CNTNAP2: variants seen among roughly 807,000 people sequenced by gnomAD.
The protein encoded by CNTNAP2 is contactin associated protein 2.
CNTNAP2 carries 98 observed loss-of-function variants against 155.2 expected under a neutral mutation model. The observed-to-expected ratio is 0.63, with a 90% CI of 0.54 to 0.75. CNTNAP2 has a LOEUF of 0.75. Among genes scored for constraint, CNTNAP2 ranks in the 30% least tolerant of loss-of-function variants. The probability of loss-of-function intolerance (pLI) is 0.00; values close to 1 mark genes in which losing one functional copy is unlikely to be tolerated. For synonymous variants in CNTNAP2, 651 were observed against 631.2 expected (o/e 1.03, Z -0.47); for missense variants, 1,727 against 1,688.1 (o/e 1.02, Z -0.40).
chr7:146,588,306 A>G (rs1386470038), intron 1 of CNTNAP2, among the ~76,000 whole-genome samples: 5 of 152,184 alleles, frequency 3.3e-5, no homozygotes, highest in Admixed American at 2.6e-4. Context: ...ATAAGAGAGC[A>G]GCACTTCTTC....
At chr7:146,951,497 T>G (rs1442936036) in intron 3 of CNTNAP2, among the ~76,000 whole-genome samples, 3 of 152,186 alleles carry the variant, frequency 2.0e-5, no homozygotes, top group African/African-American at 7.2e-5. Flanking sequence ...GGGTCCAGTT[T>G]CGGTTTTCTG....
chr7:147,472,710 T>C (rs12703917), intron 10 of CNTNAP2, among the ~76,000 whole-genome samples: 118,274 of 151,756 alleles, frequency 0.78, 46,437 homozygotes, highest in African/African-American at 0.87. Flanking sequence ...TCCAAACTTC[T>C]GTTTACAAAG....
intron 4 of CNTNAP2, among the ~76,000 whole-genome samples, chr7:147,099,443 G>T (rs1250028342): frequency 6.6e-6 from 1 of 152,046 alleles, no homozygotes; most frequent in East Asian, 1.9e-4. Flanking sequence ...GCAGCTCCAA[G>T]AAATGACACA....
At chr7:148,145,127 C>T (rs1431148484) in intron 16 of CNTNAP2, among the ~76,000 whole-genome samples, 1 of 152,146 alleles carries the variant, frequency 6.6e-6, no homozygotes, top group East Asian at 1.9e-4. Flanking sequence ...GTGGAATGTG[C>T]TGACTTCATA....
rs139930720 is a variant in CNTNAP2, at chr7:148,217,431, C to A, written c.3154C>A (p.Arg1052Ser). The change falls in exon 19 of 24, where the codon CGC becomes AGC. Residue 1052 changes from arginine (R) to serine (S), a missense_variant. Arg to Ser is a moderately radical substitution (Grantham distance 110). Transcript: ENST00000361727. ...CCCGGACCTGGCACAGGAGGAGATC[C>A]GCTTCAGCTTCAGCACCACCAAGGC... ...SHPDLAQEEI[R>S]FSFSTTKAPC... 6.2e-7 allele frequency: 1 copy of A among 1,614,038 alleles called. No individual in the cohort carries two copies. Among genetic ancestry groups the A allele is most frequent in the Admixed American group, 1.7e-5 (1 of 60,000 alleles).
intron 1 of CNTNAP2, among the ~76,000 whole-genome samples, chr7:146,196,053 A>T (rs1798770599): frequency 6.6e-6 from 1 of 152,160 alleles, no homozygotes; most frequent in Admixed American, 6.6e-5. Context: ...TTGTTTTTAC[A>T]AAGTTTGACT....
chr7:146,779,915 GC>G (rs1469334517), intron 2 of CNTNAP2, among the ~76,000 whole-genome samples: 1 of 152,170 alleles, frequency 6.6e-6, no homozygotes, highest in African/African-American at 2.4e-5. Flanking sequence ...TGGAGAGACT[GC>G]TAGAATAGAT....
chr7:147,669,962 C>T (rs1300136454), intron 13 of CNTNAP2, among the ~76,000 whole-genome samples: 1 of 152,162 alleles, frequency 6.6e-6, no homozygotes, highest in Non-Finnish European at 1.5e-5. Context: ...TTTCTCTGTA[C>T]TCTTCTAGAA....
At chr7:146,989,320 C>T (rs1798168582) in intron 3 of CNTNAP2, among the ~76,000 whole-genome samples, 1 of 152,114 alleles carries the variant, frequency 6.6e-6, no homozygotes, top group Non-Finnish European at 1.5e-5. Context: ...CCCTTCAGTA[C>T]TGGCCTGTGT....
chr7:148,196,141 G>A (rs978736171), intron 18 of CNTNAP2, among the ~76,000 whole-genome samples: 8 of 152,194 alleles, frequency 5.3e-5, no homozygotes, highest in Admixed American at 3.9e-4. Flanking sequence ...TTGCACACAC[G>A]TCAGATTAAT....
At chr7:147,759,735 G>T (rs1445748693) in intron 13 of CNTNAP2, among the ~76,000 whole-genome samples, 1 of 152,144 alleles carries the variant, frequency 6.6e-6, no homozygotes, top group African/African-American at 2.4e-5. Flanking sequence ...GATGCATGTA[G>T]GCCATCGTTT....
At chr7:146,368,659 A>C (rs1264289081) in intron 1 of CNTNAP2, among the ~76,000 whole-genome samples, 8 of 152,120 alleles carry the variant, frequency 5.3e-5, no homozygotes, top group Admixed American at 5.2e-4. Flanking sequence ...AGTAAGATGC[A>C]CCACGGTTCA....
At chr7:146,329,830 T>C (rs1197093102) in intron 1 of CNTNAP2, among the ~76,000 whole-genome samples, 1 of 152,116 alleles carries the variant, frequency 6.6e-6, no homozygotes, top group Non-Finnish European at 1.5e-5. Context: ...AATAGCCACA[T>C]TACTTCCCTG....
At chr7:147,936,634 G>A (rs527434978) in intron 14 of CNTNAP2, among the ~76,000 whole-genome samples, 4 of 152,180 alleles carry the variant, frequency 2.6e-5, no homozygotes, top group African/African-American at 9.6e-5. Flanking sequence ...TATAATAAAT[G>A]TGTTTCTCCT....
chr7:148,320,301 C>G (rs1425428872), intron 21 of CNTNAP2, among the ~76,000 whole-genome samples: 2 of 151,448 alleles, frequency 1.3e-5, no homozygotes, highest in African/African-American at 4.9e-5. Context: ...TTCTCTTTGG[C>G]ACTGGACTAT....
chr7:147,727,165 C>T (rs1796658919), intron 13 of CNTNAP2, among the ~76,000 whole-genome samples: 1 of 151,996 alleles, frequency 6.6e-6, no homozygotes, highest in African/African-American at 2.4e-5. Context: ...CCCCAACCTA[C>T]CTGAACCCCA....
rs376638249 is a variant in CNTNAP2 at position 147,447,736 on chromosome 7, TG to T, written c.1671-38198del. 4.5e-3 allele frequency among the ~76,000 whole-genome samples: 686 copies of T among 152,212 alleles called. 5 individuals are homozygous for T. Among genetic ancestry groups the T allele is most frequent in the Middle Eastern group, 0.037 (11 of 294 alleles). ...CACCCAGCCTATTTGGGGTAATTTT[TG>T]CTGCCTTCTTTACAATTTTTCTTTT... On this transcript the variant is annotated intron_variant, in intron 10 of 23. Transcript: ENST00000361727.
chr7:146,447,848 T>C (rs1477805030), intron 1 of CNTNAP2, among the ~76,000 whole-genome samples: 1 of 151,306 alleles, frequency 6.6e-6, no homozygotes, highest in Non-Finnish European at 1.5e-5. Context: ...TTAAATCATA[T>C]AAAAAAACTG....
In CNTNAP2 at chr7:147,466,210, G is replaced by C. The variant is rs1798117091; in HGVS notation, c.1671-19725G>C. Among the ~76,000 whole-genome samples, 3 of 152,234 alleles carry C rather than the reference G, an allele frequency of 2.0e-5. No homozygotes were observed. In the South Asian group the frequency reaches 6.2e-4, roughly 31 times the overall value. On this transcript the variant is annotated intron_variant, in intron 10 of 23. Coordinates refer to ENST00000361727, the MANE Select transcript of CNTNAP2 (RefSeq NM_014141.6). ...GCCTGATCTAATGCTAATAGATTTA[G>C]TGGGGAAACCCAACAAGGCCTAAGT...
Sources: gnomAD v4.1 joint callset for allele counts (sites outside exome capture counted in the v4.1 genomes callset) on GRCh38, gnomAD v4.1.1 for gene constraint, MANE v1.5 for transcripts, NCBI Gene and HGNC (gene_info 2026-07-23, HGNC 2026-07-21) for gene names.